Variants in NFATC1 observed in about 807,000 individuals in gnomAD.
The protein encoded by NFATC1 is nuclear factor of activated T cells 1.
Under a neutral mutation model 76.0 loss-of-function variants are expected in NFATC1, and 22 were observed. The ratio of observed to expected loss-of-function variants is 0.29; its 90% CI spans 0.21 to 0.41. The LOEUF is 0.41. Ranked by LOEUF, NFATC1 falls within the 10% of genes least tolerant of loss-of-function variation. The pLI, the probability that NFATC1 is intolerant of heterozygous loss-of-function variation, is 1.00. For missense variants in NFATC1, 1,357 were observed against 1,337.7 expected, an observed-to-expected ratio of 1.01 and a Z score of -0.23; for synonymous variants, 704 against 613.1, an observed-to-expected ratio of 1.15 and a Z score of -2.19.
chr18:79,450,442 C>T (rs2087419114), intron 4 of NFATC1, among the ~76,000 whole-genome samples: 2 of 148,026 alleles, frequency 1.4e-5, no homozygotes, highest in South Asian at 2.1e-4. Context: ...AATATTTAAC[C>T]TAATAATATA....
chr18:79,441,237 G>A (rs1295233973), intron 3 of NFATC1, among the ~76,000 whole-genome samples: 2 of 152,226 alleles, frequency 1.3e-5, no homozygotes, highest in African/African-American at 4.8e-5. Flanking sequence ...GGCCCTGAAG[G>A]AGGGGCAGGG....
rs530446556 is a variant in NFATC1 at position 79,484,136 on chromosome 18, G to A, written c.2093-2112G>A. Among the ~76,000 whole-genome samples, 31 of 152,078 alleles carry A rather than the reference G, an allele frequency of 2.0e-4. No homozygotes were observed. The East Asian group carries it at 4.4e-3, about 22-fold the overall frequency. ...CTGACGAGGCGGGGGGAGCACACCC[G>A]TTCTCCCTCCCCTGCCCTGGGCACC... On this transcript the variant is annotated intron_variant, in intron 8 of 9. Coordinates refer to ENST00000427363, the MANE Select transcript of NFATC1 (RefSeq NM_001278669.2).
In NFATC1 at chr18:79,477,510, G is replaced by A. The variant is rs189275483; in HGVS notation, c.2093-8738G>A. On this transcript the variant is annotated intron_variant, in intron 8 of 9. Transcript: ENST00000427363. The stretch of plus-strand genomic sequence containing the variant: ...TACTGTTGGCGGAAGAAGGGGGTCC[G>A]GGGCACTGTCTCAGTCTTTGGGGCT... 1.4e-3 allele frequency among the ~76,000 whole-genome samples: 210 copies of A among 152,254 alleles called. 1 individual carries two copies. The highest frequency in any genetic ancestry group is 4.2e-4 in the South Asian group (2 of 4,806).
Position 79,469,344 on chromosome 18 carries a change from G to A in NFATC1, c.2092+1762G>A, listed in dbSNP as rs943924306. 51 of 985,462 alleles carry A rather than the reference G, an allele frequency of 5.2e-5. No individual in the cohort carries two copies. In the East Asian group the frequency reaches 1.1e-3, roughly 22 times the overall value. The allele number at this position is 985,462 out of a possible 1,614,324, so 61.0% of individuals were successfully genotyped here. A position where few individuals can be genotyped will look rare whatever the true frequency, so the allele number is the denominator to read the frequency against. On this transcript the variant is annotated intron_variant, in intron 8 of 9. Transcript: ENST00000427363. ...TCAGCATGCGGCAGTCCCCACCGTG[G>A]GTTTGAGCAGCACTGACTTTAGCAC...
intron 9 of NFATC1, among the ~76,000 whole-genome samples, chr18:79,512,636 T>C (rs1660136): frequency 0.73 from 111,169 of 151,994 alleles, 41,230 homozygotes; most frequent in Non-Finnish European, 0.79. Flanking sequence ...CTCCAGTCGG[T>C]GGGCCCCGTG....
At chr18:79,424,881 CTTTCTCCATCTCTG>C (rs2086243997) in intron 2 of NFATC1, among the ~76,000 whole-genome samples, 1 of 139,758 alleles carries the variant, frequency 7.2e-6, no homozygotes, top group Non-Finnish European at 1.7e-5. Flanking sequence ...ATCTCTGTCT[CTTTCTCCATCTCTG>C]TTTCTCCATT....
At chr18:79,510,947 C>T (rs1359441907) in intron 9 of NFATC1, among the ~76,000 whole-genome samples, 1 of 152,218 alleles carries the variant, frequency 6.6e-6, no homozygotes, top group African/African-American at 2.4e-5. Flanking sequence ...TGCTCCGGGG[C>T]ATCGTTCGCC....
intron 9 of NFATC1, among the ~76,000 whole-genome samples, chr18:79,503,619 G>A (rs1220827652): frequency 6.6e-6 from 1 of 152,168 alleles, no homozygotes; most frequent in Non-Finnish European, 1.5e-5. Flanking sequence ...GGGATTTTCG[G>A]GGTGGCAGAT....
chr18:79,424,637 CTCTG>C (rs1196756415), intron 2 of NFATC1, among the ~76,000 whole-genome samples: 10 of 151,854 alleles, frequency 6.6e-5, no homozygotes, highest in African/African-American at 2.2e-4. Context: ...CCGTCTGTCT[CTCTG>C]TCTCTCTTTC....
At chr18:79,480,077 C>T (rs1014623119) in intron 8 of NFATC1, among the ~76,000 whole-genome samples, 3 of 152,230 alleles carry the variant, frequency 2.0e-5, no homozygotes, top group Non-Finnish European at 2.9e-5. Context: ...GTGACCACGT[C>T]GCAGCTCATG....
At chr18:79,405,778 T>G (rs1208383312) in intron 1 of NFATC1, among the ~76,000 whole-genome samples, 1 of 152,210 alleles carries the variant, frequency 6.6e-6, no homozygotes, top group African/African-American at 2.4e-5. Context: ...TAATAAAGCT[T>G]TATGGTGTTT....
rs1199011729 is a variant in NFATC1, at chr18:79,465,145, T to G, written c.1960-2305T>G. On this transcript the variant is annotated intron_variant, in intron 7 of 9. Transcript: ENST00000427363. This position sits in a 1 kb window ranked among gnomAD's most constrained non-coding sequence, Gnocchi z 4.2. ...TGGTGCCATTTGGAACCCGTATTTT[T>G]TCCGGTACAGACGAGTTTCCCTCTC... Among the ~76,000 whole-genome samples, 1 of 152,210 alleles carries G rather than the reference T, an allele frequency of 6.6e-6. No individual in the cohort carries two copies. Among genetic ancestry groups the G allele is most frequent in the African/African-American group, 2.4e-5 (1 of 41,462 alleles).
intron 9 of NFATC1, among the ~76,000 whole-genome samples, chr18:79,490,247 G>A (rs2089637590): frequency 6.6e-6 from 1 of 152,112 alleles, no homozygotes; most frequent in Non-Finnish European, 1.5e-5. Context: ...AGTGTCTGGT[G>A]CAGGCCCGGC....
At chr18:79,519,828 C>G (rs2090470734) in intron 9 of NFATC1, among the ~76,000 whole-genome samples, 1 of 152,194 alleles carries the variant, frequency 6.6e-6, no homozygotes, top group South Asian at 2.1e-4. Context: ...TTTCCTCTTG[C>G]AGCTTAAAGT....
chr18:79,432,408 C>T (rs2086630262), intron 2 of NFATC1, among the ~76,000 whole-genome samples: 1 of 152,268 alleles, frequency 6.6e-6, no homozygotes. Flanking sequence ...TCTCTGGCCA[C>T]ATAGCGGTGA....
chr18:79,430,058 G>A (rs985785802), intron 2 of NFATC1, among the ~76,000 whole-genome samples: 1 of 152,244 alleles, frequency 6.6e-6, no homozygotes. Context: ...CGTGGCTAGG[G>A]TGTGCACTGG....
intron 7 of NFATC1, among the ~76,000 whole-genome samples, chr18:79,466,165 G>T (rs2088483212): frequency 6.6e-6 from 1 of 152,176 alleles, no homozygotes; most frequent in Non-Finnish European, 1.5e-5. Context: ...AAATGAAAGA[G>T]CCTGGACCTC....
In NFATC1 at chr18:79,527,631, A is replaced by G. The variant is rs748310048; in HGVS notation, c.*54A>G. The G allele has an allele frequency of 3.9e-5, 60 of 1,520,230 alleles. No individual in the cohort carries two copies. Among genetic ancestry groups the G allele is most frequent in the Non-Finnish European group, 5.1e-5 (56 of 1,096,674 alleles). 94.2% of individuals were successfully genotyped at this position (1,520,230 alleles called of 1,614,324 possible). Reference sequence around the variant, plus strand: ...GGGGTATGCTGACTTCAGCAGACAAAGACTTTTGAATAAATAAACTGAACT... The same window carrying G: ...GGGGTATGCTGACTTCAGCAGACAAGGACTTTTGAATAAATAAACTGAACT... On this transcript the variant is annotated 3_prime_UTR_variant, in exon 10 of 10. Coordinates refer to ENST00000427363, the MANE Select transcript of NFATC1 (RefSeq NM_001278669.2).
intron 1 of NFATC1, among the ~76,000 whole-genome samples, chr18:79,398,281 AC>A (rs1195131434): frequency 2.0e-5 from 3 of 151,988 alleles, no homozygotes; most frequent in African/African-American, 4.8e-5. Context: ...CTGGGGCCAA[AC>A]AAAGCTCACC....
Sources: allele counts gnomAD v4.1 joint callset (sites outside exome capture counted in the v4.1 genomes callset), GRCh38; gene constraint gnomAD v4.1.1; non-coding constraint Gnocchi (gnomAD v3.1); transcripts MANE v1.5; gene names NCBI Gene and HGNC (gene_info 2026-07-23, HGNC 2026-07-21).